CTSD: variants seen among roughly 807,000 people sequenced by gnomAD.
CTSD encodes the protein cathepsin D, also known as ceroid-lipofuscinosis, neuronal 10.
Under a neutral mutation model 43.6 loss-of-function variants are expected in CTSD, and 28 were observed. The observed-to-expected ratio is 0.64, with a 90% CI of 0.48 to 0.88. The LOEUF is 0.88. Among genes scored for constraint, CTSD ranks in the 40% least tolerant of loss-of-function variants. The pLI, the probability that CTSD is intolerant of heterozygous loss-of-function variation, is 0.00. For synonymous variants in CTSD, 270 were observed against 249.8 expected (o/e 1.08, Z -0.76); for missense variants, 485 against 555.2 (o/e 0.87, Z 1.27).
intron 5 of CTSD, among the ~76,000 whole-genome samples, chr11:1,755,580 G>A (rs1465486354): frequency 6.6e-6 from 1 of 152,122 alleles, no homozygotes; most frequent in Non-Finnish European, 1.5e-5. Flanking sequence ...GGGCAGGAGC[G>A]CACTGCACTT....
At chr11:1,759,170 C>T in intron 3 of CTSD, 83 bp from the exon 4 acceptor site, 1 of 1,131,446 alleles carries the variant, frequency 8.8e-7, no homozygotes, top group South Asian at 1.2e-5. Context: ...TACAATCTAC[C>T]ATGGAGCCCG....
intron 6 of CTSD, among the ~76,000 whole-genome samples, chr11:1,754,430 G>C (rs1417900417): frequency 1.2e-4 from 16 of 138,976 alleles, no homozygotes; most frequent in Admixed American, 2.1e-4. Context: ...GAGGGGCATG[G>C]AGGGATGGAG....
chr11:1,761,011 C>T, intron 2 of CTSD: 1 of 454,030 alleles, frequency 2.2e-6, no homozygotes, highest in Non-Finnish European at 4.1e-6. Flanking sequence ...GGTCAGCCGG[C>T]CACACTCAGG....
intron 4 of CTSD, among the ~76,000 whole-genome samples, chr11:1,757,774 G>A (rs533189248): frequency 2.9e-4 from 44 of 152,290 alleles, no homozygotes; most frequent in African/African-American, 1.0e-3. Flanking sequence ...ATCAGGGCTC[G>A]GTTTACACGA....
chr11:1,763,476 C>T (rs2133668364), intron 1 of CTSD: 1 of 381,614 alleles, frequency 2.6e-6, no homozygotes, highest in Non-Finnish European at 4.7e-6. Context: ...CCCGAATGAG[C>T]ACTACCTCCC....
Position 1,753,992 on chromosome 11 carries a change from A to G in CTSD, c.972+2T>C. On this transcript the variant is annotated splice_donor_variant, in intron 7 of 8. Coordinates refer to ENST00000236671, the MANE Select transcript of CTSD (RefSeq NM_001909.5). LOFTEE classifies it high-confidence loss of function. ...GCCCCAGCCCCAGCCCCCGGCGCTCACCTCGCCCTGAATCAGCGGCACGGC... is the reference window on the plus strand; with the variant it reads ...GCCCCAGCCCCAGCCCCCGGCGCTCGCCTCGCCCTGAATCAGCGGCACGGC... 1.2e-6 allele frequency: 2 copies of G among 1,601,730 alleles called. No individual in the cohort carries two copies. Among genetic ancestry groups the G allele is most frequent in the Non-Finnish European group, 1.7e-6 (2 of 1,175,376 alleles).
Position 1,754,143 on chromosome 11 carries a change from G to C in CTSD, c.828-5C>G, listed in dbSNP as rs762444592. 4.4e-6 allele frequency: 7 copies of C among 1,607,208 alleles called. No individual in the cohort carries two copies. Among genetic ancestry groups the C allele is most frequent in the Non-Finnish European group, 5.9e-6 (7 of 1,179,312 alleles). ...AGCCCGCTGGCCACCTCCACCCTGC[G>C]GGGAGTCAGGGCGTGAAGCCCCTGC... On this transcript the variant is annotated splice_polypyrimidine_tract_variant and splice_region_variant and intron_variant, in intron 6 of 8. Transcript: ENST00000236671.
At chr11:1,758,572 T>A (rs139991146) in intron 4 of CTSD, among the ~76,000 whole-genome samples, 1,956 of 152,158 alleles carry the variant, frequency 0.013, 43 homozygotes, top group African/African-American at 0.045. Flanking sequence ...CACAGCGGGT[T>A]CCTGGTACAT....
intron 2 of CTSD, 95 bp from the exon 3 acceptor site, chr11:1,759,734 T>G: frequency 8.2e-7 from 1 of 1,214,862 alleles, no homozygotes; most frequent in Non-Finnish European, 1.1e-6. Flanking sequence ...CCAAGGCCCA[T>G]ACTGGAGGGA....
At chr11:1,760,721 G>A (rs886677735) in intron 2 of CTSD, 8 of 157,442 alleles carry the variant, frequency 5.1e-5, no homozygotes, top group East Asian at 1.9e-4. Context: ...GCCAGGACTC[G>A]GGCCAAGCAG....
chr11:1,755,899 C>T (rs909460068), intron 5 of CTSD, among the ~76,000 whole-genome samples: 3 of 152,018 alleles, frequency 2.0e-5, no homozygotes, highest in African/African-American at 7.2e-5. Context: ...GCGCCTCCCA[C>T]CCCTCCTCTC....
chr11:1,755,066 C>T lies in CTSD; in HGVS notation c.705-38G>A. On this transcript the variant is annotated intron_variant, in intron 5 of 8. Transcript: ENST00000236671. ...GGGAGGAGTCAGCTGCCACGCCACC[C>T]CCCAAGCACAAGAGTGCCAGGTCAG... 6.2e-6 allele frequency: 10 copies of T among 1,612,826 alleles called. No homozygotes were observed. In the South Asian group the frequency reaches 7.7e-5, roughly 12 times the overall value.
chr11:1,754,369 G>C (rs1280492142), intron 6 of CTSD: 1 of 577,358 alleles, frequency 1.7e-6, no homozygotes, highest in African/African-American at 2.0e-5. Context: ...GAGGGATGGA[G>C]GGGATGGAGG....
intron 4 of CTSD, among the ~76,000 whole-genome samples, 185 bp from the exon 5 acceptor site, chr11:1,757,741 G>A (rs781598096): frequency 1.3e-5 from 2 of 152,226 alleles, no homozygotes; most frequent in Non-Finnish European, 2.9e-5. Context: ...ACGGGGTATG[G>A]CGGGGCCCTC....
At chr11:1,759,674 G>A (rs1845851747) in intron 2 of CTSD, 35 bp from the exon 3 acceptor site, 3 of 1,596,962 alleles carry the variant, frequency 1.9e-6, no homozygotes, top group East Asian at 2.2e-5. Context: ...GGATGGGAGA[G>A]GGGGCCCCAT....
chr11:1,763,884 G>C lies in CTSD; in HGVS notation c.-25C>G, dbSNP rs559975080. ...TGGCGGCGGCGGCCGGGTCGGAGAG[G>C]GTCGCCGAGGCCGTGCGCTTATAGC... is the stretch of plus-strand genomic sequence containing the variant. On this transcript the variant is annotated 5_prime_UTR_variant, in exon 1 of 9. Transcript: ENST00000236671. The C allele has an allele frequency of 3.3e-6, 5 of 1,517,962 alleles. No individual in the cohort carries two copies. In the African/African-American group the frequency reaches 7.1e-5, roughly 22 times the overall value. 94.0% of individuals were successfully genotyped at this position (1,517,962 alleles called of 1,614,324 possible).
At position 1,754,844 on chromosome 11, in the gene CTSD, G is replaced by A. The variant is rs1033522584; in HGVS notation, c.827+62C>T. 5 of 1,610,462 alleles carry A rather than the reference G, an allele frequency of 3.1e-6. No individual in the cohort carries two copies. In the East Asian group the frequency reaches 6.7e-5, roughly 22 times the overall value. ...CCACCTGCAGAACCGGGGTCCTCCA[G>A]GGTCTCCGCACACCGCCCCCGCCCA... On this transcript the variant is annotated intron_variant, in intron 6 of 8. Transcript: ENST00000236671.
chr11:1,759,940 C>T (rs1031974412), intron 2 of CTSD, among the ~76,000 whole-genome samples: 3 of 152,220 alleles, frequency 2.0e-5, no homozygotes, highest in African/African-American at 7.2e-5. Context: ...AAGACAAGGC[C>T]AGAGGTCAAG....
intron 6 of CTSD, 163 bp from the exon 7 acceptor site, chr11:1,754,301 G>A: frequency 1.3e-6 from 1 of 791,434 alleles, no homozygotes; most frequent in Non-Finnish European, 2.0e-6. Flanking sequence ...GAGGGTGGGA[G>A]AGGAGACACA....
Sources: allele counts gnomAD v4.1 joint callset (sites outside exome capture counted in the v4.1 genomes callset), GRCh38; gene constraint gnomAD v4.1.1; transcripts MANE v1.5; gene names NCBI Gene and HGNC (gene_info 2026-07-23, HGNC 2026-07-21).